GABRA5: variants seen among roughly 807,000 people sequenced by gnomAD.
GABRA5 encodes the protein gamma-aminobutyric acid type A receptor subunit alpha5.
A neutral mutation model predicts 47.3 loss-of-function variants in GABRA5; 18 were observed. The ratio of observed to expected loss-of-function variants is 0.38; its 90% CI spans 0.26 to 0.56. The LOEUF is 0.56. GABRA5 is among the 20% of genes least tolerant of loss of function. GABRA5 has a pLI of 0.71. For synonymous variants in GABRA5, 237 were observed against 229.3 expected (o/e 1.03, Z -0.30); for missense variants, 365 against 599.3 (o/e 0.61, Z 4.08).
At position 26,901,911 on chromosome 15, in the gene GABRA5, G is replaced by A. The variant is rs140139229; in HGVS notation, c.498-12892G>A. Among the ~76,000 whole-genome samples, 393 of 152,194 alleles carry A rather than the reference G, an allele frequency of 2.6e-3. 10 individuals carry two copies. In the East Asian group the frequency reaches 0.065, roughly 25 times the overall value. ...CAGCACTTGTTGAAAAGACTGTCTC[G>A]TCTTCAGTCTGTGGTCTTTTGCTCC... On this transcript the variant is annotated intron_variant, in intron 6 of 10. Coordinates refer to ENST00000335625, the MANE Select transcript of GABRA5 (RefSeq NM_000810.4).
At chr15:26,882,252 C>T (rs1315464711) in intron 4 of GABRA5, among the ~76,000 whole-genome samples, 2 of 152,134 alleles carry the variant, frequency 1.3e-5, no homozygotes, top group African/African-American at 4.8e-5. Context: ...AGGAGGATAC[C>T]ATGGAAAGCC....
chr15:26,900,775 A>C (rs1893308261), intron 6 of GABRA5, among the ~76,000 whole-genome samples: 2 of 152,082 alleles, frequency 1.3e-5, no homozygotes, highest in South Asian at 2.1e-4. Context: ...TGTTCAGACA[A>C]AATTATAATG....
intron 6 of GABRA5, among the ~76,000 whole-genome samples, chr15:26,891,023 A>G (rs1283236025): frequency 6.6e-6 from 1 of 152,220 alleles, no homozygotes; most frequent in Non-Finnish European, 1.5e-5. Flanking sequence ...CAGCATACAA[A>G]TAAGGACATT....
chr15:26,921,581 T>A (rs1490169195), intron 7 of GABRA5, among the ~76,000 whole-genome samples: 2 of 152,146 alleles, frequency 1.3e-5, no homozygotes, highest in Non-Finnish European at 2.9e-5. Context: ...GCTTTTCTAT[T>A]TTTTATTTCA....
At chr15:26,881,192 A>G (rs1457021744) in intron 4 of GABRA5, among the ~76,000 whole-genome samples, 3 of 152,172 alleles carry the variant, frequency 2.0e-5, no homozygotes, top group Admixed American at 2.0e-4. Flanking sequence ...TGTTATTTCT[A>G]GGTGGAAGAA....
In GABRA5 at chr15:26,948,910, T is replaced by C. The variant is rs901169972; in HGVS notation, c.*677T>C. On this transcript the variant is annotated 3_prime_UTR_variant, in exon 11 of 11. Coordinates refer to ENST00000335625, the MANE Select transcript of GABRA5 (RefSeq NM_000810.4). ...AATTTTTTGGGAAGAAAAAGAAACATTTCTTACCCCACACCACCCACTACC... is the reference window on the plus strand; with the variant it reads ...AATTTTTTGGGAAGAAAAAGAAACACTTCTTACCCCACACCACCCACTACC... 1.3e-5 allele frequency: 2 copies of C among 152,134 alleles called. No individual in the cohort carries two copies. The highest frequency in any genetic ancestry group is 2.9e-5 in the Non-Finnish European group (2 of 68,048). The allele number at this position is 152,134 out of a possible 1,614,324, so 9.4% of individuals were successfully genotyped here. A position where few individuals can be genotyped will look rare whatever the true frequency, so the allele number is the denominator to read the frequency against.
intron 3 of GABRA5, among the ~76,000 whole-genome samples, chr15:26,873,813 G>T (rs1202574158): frequency 6.6e-6 from 1 of 152,168 alleles, no homozygotes; most frequent in Non-Finnish European, 1.5e-5. Context: ...CAGGGAGCAG[G>T]AACACAAGTG....
intron 7 of GABRA5, among the ~76,000 whole-genome samples, chr15:26,924,999 A>G (rs1014607018): frequency 6.6e-6 from 1 of 152,048 alleles, no homozygotes; most frequent in African/African-American, 2.4e-5. Flanking sequence ...TTTATGTATA[A>G]TATGCACTTT....
At position 26,937,890 on chromosome 15, in the gene GABRA5, G is replaced by A. The variant is rs146042359; in HGVS notation, c.724+562G>A. Among the ~76,000 whole-genome samples the A allele has an allele frequency of 2.8e-3, 427 of 152,360 alleles. 3 individuals carry two copies. Among genetic ancestry groups the A allele is most frequent in the African/African-American group, 9.8e-3 (406 of 41,592 alleles). The stretch of plus-strand genomic sequence containing the variant: ...AAACAGGATGCATTGCATCTCCAGA[G>A]CCTGCAAGTTATGTGGCCAGATGTC... On this transcript the variant is annotated intron_variant, in intron 8 of 10. Coordinates refer to ENST00000335625, the MANE Select transcript of GABRA5 (RefSeq NM_000810.4).
rs1892398883 is a variant in GABRA5, at chr15:26,869,095, T to C, written c.-74-80T>C. The C allele has an allele frequency of 4.4e-5, 27 of 614,918 alleles. No homozygotes were observed. The South Asian group carries it at 5.4e-4, about 12-fold the overall frequency. 38.1% of individuals were successfully genotyped at this position (614,918 alleles called of 1,614,324 possible). On this transcript the variant is annotated intron_variant, in intron 2 of 10. Transcript: ENST00000335625. ...CTCCTTTCTTTGCAAATTGTTGTGATAGCAGTGTGATTTGATTCCAGGAAC... is the reference window on the plus strand; with the variant it reads ...CTCCTTTCTTTGCAAATTGTTGTGACAGCAGTGTGATTTGATTCCAGGAAC...
At chr15:26,931,734 A>G (rs527653133) in intron 7 of GABRA5, among the ~76,000 whole-genome samples, 1 of 152,324 alleles carries the variant, frequency 6.6e-6, no homozygotes, top group Admixed American at 6.5e-5. Context: ...TTTGAGCTGA[A>G]TCTGGTAGGA....
intron 3 of GABRA5, chr15:26,877,589 A>G (rs1013523793): frequency 1.4e-4 from 62 of 440,900 alleles, no homozygotes; most frequent in African/African-American, 1.2e-3. Context: ...GGTCATCCAT[A>G]TAAGAGAAGC....
intron 10 of GABRA5, among the ~76,000 whole-genome samples, chr15:26,946,433 GT>G (rs56708714): frequency 0.4 from 57,472 of 144,800 alleles, 11,081 homozygotes; most frequent in Middle Eastern, 0.57. Context: ...CAATTTATCT[GT>G]TTTTTTTTTT....
chr15:26,874,447 C>T (rs1892545492), intron 3 of GABRA5, among the ~76,000 whole-genome samples: 1 of 152,088 alleles, frequency 6.6e-6, no homozygotes, highest in African/African-American at 2.4e-5. Context: ...CAAGGGATCC[C>T]TGAGAATGCA....
chr15:26,920,160 A>G (rs1466371975), intron 7 of GABRA5, among the ~76,000 whole-genome samples: 1 of 151,978 alleles, frequency 6.6e-6, no homozygotes, highest in Non-Finnish European at 1.5e-5. Flanking sequence ...ATTTTCAGCC[A>G]TTATTTCTTT....
intron 4 of GABRA5, among the ~76,000 whole-genome samples, chr15:26,882,852 GA>G (rs1314564575): frequency 6.6e-6 from 1 of 152,178 alleles, no homozygotes; most frequent in East Asian, 1.9e-4. Context: ...GGAGGAAATG[GA>G]AGCTCGGGTG....
rs1892803569 is a variant in GABRA5 at position 26,883,753 on chromosome 15, G to C, written c.497+196G>C. ...ACGTTCTTTCCCAGGGCTGCCATAG[G>C]TCCGTGGCCGTTTGTCATTTGGACT... is the stretch of plus-strand genomic sequence containing the variant. On this transcript the variant is annotated intron_variant, in intron 6 of 10. Transcript: ENST00000335625. This position sits in a 1 kb window ranked among gnomAD's most constrained non-coding sequence, Gnocchi z 4.8. 6.6e-6 allele frequency among the ~76,000 whole-genome samples: 1 copy of C among 152,226 alleles called. No homozygotes were observed. Among genetic ancestry groups the C allele is most frequent in the Non-Finnish European group, 1.5e-5 (1 of 68,034 alleles).
chr15:26,945,204 C>T (rs2140601670), intron 10 of GABRA5, among the ~76,000 whole-genome samples: 1 of 152,338 alleles, frequency 6.6e-6, no homozygotes. Context: ...CAGGAAGGCT[C>T]TGCGTGCTGG....
chr15:26,919,972 A>G (rs1043198829), intron 7 of GABRA5, among the ~76,000 whole-genome samples: 1 of 152,018 alleles, frequency 6.6e-6, no homozygotes, highest in Admixed American at 6.5e-5. Flanking sequence ...AAATCCATTC[A>G]TAATCTTATG....
Sources: gnomAD v4.1 joint callset for allele counts (sites outside exome capture counted in the v4.1 genomes callset) on GRCh38, gnomAD v4.1.1 for gene constraint, Gnocchi (gnomAD v3.1) non-coding constraint, MANE v1.5 for transcripts, NCBI Gene and HGNC (gene_info 2026-07-23, HGNC 2026-07-21) for gene names.